CDH11: variants seen among roughly 807,000 people sequenced by gnomAD.
CDH11 encodes cadherin-11.
A neutral mutation model predicts 67.8 loss-of-function variants in CDH11; 11 were observed. That is an observed-to-expected ratio of 0.16 (90% CI 0.10 to 0.27). The LOEUF (loss-of-function observed/expected upper bound fraction) is 0.27, where lower values mean the gene tolerates loss of function less well. Ranked by LOEUF, CDH11 falls within the 10% of genes least tolerant of loss-of-function variation. The pLI is 1.00. For missense variants in CDH11, 847 were observed against 1,031.2 expected (o/e 0.82, Z 2.45); for synonymous variants, 419 against 400.0 (o/e 1.05, Z -0.57).
intron 1 of CDH11, among the ~76,000 whole-genome samples, chr16:65,091,288 T>A (rs1473529214): frequency 1.3e-5 from 2 of 152,260 alleles, no homozygotes; most frequent in African/African-American, 2.4e-5. Flanking sequence ...TGCATCTAAT[T>A]TTTAAATATT....
At chr16:65,017,064 A>C (rs939532415) in intron 2 of CDH11, among the ~76,000 whole-genome samples, 9 of 152,214 alleles carry the variant, frequency 5.9e-5, no homozygotes, top group Non-Finnish European at 1.0e-4. Context: ...GGTCTCTTTC[A>C]TTGCCATCTT....
intron 1 of CDH11, among the ~76,000 whole-genome samples, chr16:65,114,318 C>T (rs1317609207): frequency 1.3e-5 from 2 of 152,130 alleles, no homozygotes; most frequent in Non-Finnish European, 2.9e-5. Flanking sequence ...ACCAGCTCTT[C>T]TGTGTCCTTC....
At chr16:65,067,196 GA>G (rs35005523) in intron 1 of CDH11, among the ~76,000 whole-genome samples, 44,993 of 142,306 alleles carry the variant, frequency 0.32, 7,529 homozygotes, top group Middle Eastern at 0.44. Context: ...GAGTCAACAG[GA>G]AAAAAAAAAA....
At chr16:65,030,190 C>A (rs559521041) in intron 2 of CDH11, among the ~76,000 whole-genome samples, 12 of 152,244 alleles carry the variant, frequency 7.9e-5, no homozygotes, top group African/African-American at 2.6e-4. Context: ...TGTGTGGGAA[C>A]TAGGGGAGCC....
intron 2 of CDH11, among the ~76,000 whole-genome samples, chr16:65,020,305 T>C (rs911149719): frequency 6.6e-6 from 1 of 152,214 alleles, no homozygotes; most frequent in African/African-American, 2.4e-5. Context: ...TATAAATGTA[T>C]AAATTTTGAA....
At chr16:64,960,313 T>C (rs1256817697) in intron 11 of CDH11, among the ~76,000 whole-genome samples, 1 of 152,176 alleles carries the variant, frequency 6.6e-6, no homozygotes, top group Non-Finnish European at 1.5e-5. Context: ...TTCTTAAAAT[T>C]TTTGAAGAAG....
intron 2 of CDH11, among the ~76,000 whole-genome samples, chr16:65,035,622 A>G (rs1265537659): frequency 1.3e-5 from 2 of 152,118 alleles, no homozygotes; most frequent in South Asian, 4.2e-4. Context: ...ATTTCCCACA[A>G]TGTTTATGGA....
At chr16:65,096,447 A>G (rs988518485) in intron 1 of CDH11, among the ~76,000 whole-genome samples, 26 of 112,764 alleles carry the variant, frequency 2.3e-4, no homozygotes, top group African/African-American at 8.6e-4. Context: ...GTGTGTGTAT[A>G]TATATGTTTA....
At position 65,004,813 on chromosome 16, in the gene CDH11, G is replaced by A; in HGVS notation, c.57C>T (p.His19=). The change falls in exon 3 of 13, where the codon CAC becomes CAT. Residue 19 remains histidine, a synonymous_variant. Transcript: ENST00000268603. ...AALVCLGMLC[H]SHAFAPERRG... ...GCCGCTCTGGGGCAAAGGCATGGCT[G>A]TGGCACAGCATGCCCAGGCACACCA... 6.3e-7 allele frequency: 1 copy of A among 1,590,912 alleles called. No individual in the cohort carries two copies. The highest frequency in any genetic ancestry group is 8.6e-7 in the Non-Finnish European group (1 of 1,168,720).
At chr16:65,081,938 G>A (rs75100186) in intron 1 of CDH11, among the ~76,000 whole-genome samples, 1 of 1,446 alleles carries the variant, frequency 6.9e-4, no homozygotes, top group Non-Finnish European at 1.1e-3. Flanking sequence ...AGGGAAGCAG[G>A]GGGAGAAAAG....
intron 11 of CDH11, among the ~76,000 whole-genome samples, chr16:64,963,287 TA>T (rs1043906884): frequency 6.6e-6 from 1 of 151,944 alleles, no homozygotes; most frequent in African/African-American, 2.4e-5. Flanking sequence ...ACACTAGAGA[TA>T]AAAAACATCA....
chr16:65,046,549 C>G (rs768381398), intron 2 of CDH11, among the ~76,000 whole-genome samples: 2 of 152,170 alleles, frequency 1.3e-5, no homozygotes, highest in African/African-American at 2.4e-5. Flanking sequence ...TAAATCAATG[C>G]TGGGGAGAGG....
At chr16:65,033,237 A>AACACACACACAC (rs57645922) in intron 2 of CDH11, among the ~76,000 whole-genome samples, 3,573 of 139,514 alleles carry the variant, frequency 0.026, 56 homozygotes, top group Middle Eastern at 0.07. Context: ...AAACTAGGAA[A>AACACACACACAC]ACACACACAC....
chr16:65,056,315 G>T (rs1190395927), intron 1 of CDH11, among the ~76,000 whole-genome samples: 6 of 152,156 alleles, frequency 3.9e-5, no homozygotes, highest in Admixed American at 3.9e-4. Flanking sequence ...CCAAGCTGAG[G>T]TGCCAGACAG....
intron 2 of CDH11, among the ~76,000 whole-genome samples, chr16:65,032,306 G>A (rs978808503): frequency 4.1e-5 from 6 of 145,064 alleles, no homozygotes; most frequent in Non-Finnish European, 8.9e-5. Flanking sequence ...GGGCAACATG[G>A]AGAAACTCTG....
intron 1 of CDH11, among the ~76,000 whole-genome samples, chr16:65,108,776 C>T (rs1258964589): frequency 6.6e-6 from 1 of 152,112 alleles, no homozygotes; most frequent in Non-Finnish European, 1.5e-5. Context: ...TATATAGCCT[C>T]ACCTATGTTT....
At chr16:65,037,704 A>T (rs976281844) in intron 2 of CDH11, among the ~76,000 whole-genome samples, 5 of 152,150 alleles carry the variant, frequency 3.3e-5, no homozygotes, top group Non-Finnish European at 5.9e-5. Context: ...TCCCAGCAAC[A>T]GGGACTCAGG....
rs146504853 is a variant in CDH11 at position 65,085,713 on chromosome 16, G to A, written c.-297-31785C>T. On this transcript the variant is annotated intron_variant, in intron 1 of 12. Transcript: ENST00000268603. Reference sequence around the variant, plus strand: ...ACTATAATTACTCAAAATTTAAAATGAGGGAACTAAGAGTGAGGAAACTGC... The same window carrying A: ...ACTATAATTACTCAAAATTTAAAATAAGGGAACTAAGAGTGAGGAAACTGC... Among the ~76,000 whole-genome samples the A allele has an allele frequency of 4.5e-3, 692 of 152,276 alleles. 3 individuals are homozygous for A. Among genetic ancestry groups the A allele is most frequent in the African/African-American group, 0.016 (653 of 41,568 alleles).
chr16:65,028,683 T>C (rs1458816382), intron 2 of CDH11, among the ~76,000 whole-genome samples: 1 of 152,186 alleles, frequency 6.6e-6, no homozygotes, highest in Non-Finnish European at 1.5e-5. Context: ...AATTCCTTTC[T>C]TTTCAATATT....
Sources: gnomAD v4.1 joint callset for allele counts (sites outside exome capture counted in the v4.1 genomes callset) on GRCh38, gnomAD v4.1.1 for gene constraint, MANE v1.5 for transcripts, NCBI Gene and HGNC (gene_info 2026-07-23, HGNC 2026-07-21) for gene names.